The following RAD51B variants were observed in gnomAD, a reference collection of about 807,000 sequenced individuals.
RAD51B encodes the protein RAD51 paralog B.
In RAD51B, 38 loss-of-function variants were observed where a neutral mutation model predicts 42.2. That is an observed-to-expected ratio of 0.90 (90% CI 0.70 to 1.18). The LOEUF is 1.18. Ranked by LOEUF, RAD51B falls within the 50% of genes most tolerant of loss-of-function variation. The pLI is 0.00. For missense variants in RAD51B, 373 were observed against 400.7 expected, an observed-to-expected ratio of 0.93 and a Z score of 0.59; for synonymous variants, 154 against 145.2, an observed-to-expected ratio of 1.06 and a Z score of -0.43.
chr14:68,228,367 A>G (rs1287518414), intron 7 of RAD51B, among the ~76,000 whole-genome samples: 1 of 152,218 alleles, frequency 6.6e-6, no homozygotes, highest in Non-Finnish European at 1.5e-5. Flanking sequence ...TGAAACTTTC[A>G]TTAGCTTAAT....
At chr14:68,094,106 C>T (rs573678965) in intron 7 of RAD51B, among the ~76,000 whole-genome samples, 19 of 152,122 alleles carry the variant, frequency 1.2e-4, no homozygotes, top group African/African-American at 3.9e-4. Context: ...AATTGAGTAC[C>T]TCTTTATATT....
chr14:67,831,472 C>T (rs1172021674), intron 3 of RAD51B, among the ~76,000 whole-genome samples: 1 of 152,148 alleles, frequency 6.6e-6, no homozygotes, highest in Non-Finnish European at 1.5e-5. Flanking sequence ...AGTGTCATAT[C>T]ACAAAACTCT....
chr14:67,917,170 A>C (rs1367373785), intron 7 of RAD51B, among the ~76,000 whole-genome samples: 4 of 152,248 alleles, frequency 2.6e-5, no homozygotes, highest in Non-Finnish European at 5.9e-5. Context: ...TAACCTAGGC[A>C]ACAGATTTTC....
chr14:68,323,235 G>A (rs2082189056), intron 8 of RAD51B, among the ~76,000 whole-genome samples: 1 of 152,220 alleles, frequency 6.6e-6, no homozygotes, highest in African/African-American at 2.4e-5. Flanking sequence ...TTAGCTACAG[G>A]CTGGACAGTT....
intron 7 of RAD51B, among the ~76,000 whole-genome samples, chr14:67,898,824 A>G (rs1338930167): frequency 1.3e-5 from 2 of 152,240 alleles, no homozygotes; most frequent in East Asian, 3.8e-4. Flanking sequence ...AAGATTAAAA[A>G]TATTTCCCAA....
At chr14:68,251,084 A>G (rs1391033866) in intron 7 of RAD51B, among the ~76,000 whole-genome samples, 3 of 152,134 alleles carry the variant, frequency 2.0e-5, no homozygotes, top group Non-Finnish European at 4.4e-5. Flanking sequence ...GTCTTTGACT[A>G]GTTGTCAAGG....
chr14:67,930,960 G>A (rs8003181), intron 7 of RAD51B, among the ~76,000 whole-genome samples: 8,803 of 138,962 alleles, frequency 0.063, 613 homozygotes, highest in African/African-American at 0.19. Flanking sequence ...TCGCTCTGTT[G>A]CCCAGGTTGG....
intron 7 of RAD51B, among the ~76,000 whole-genome samples, chr14:68,072,225 A>ATATAG (rs2076763664): frequency 7.9e-6 from 1 of 126,450 alleles, no homozygotes; most frequent in Admixed American, 7.8e-5. Context: ...TATATATATA[A>ATATAG]AATAAACTCC....
chr14:68,082,046 C>G (rs2140491820), intron 7 of RAD51B, among the ~76,000 whole-genome samples: 1 of 152,054 alleles, frequency 6.6e-6, no homozygotes, highest in African/African-American at 2.4e-5. Context: ...CTGCAACCTC[C>G]ACCTTCTGGA....
chr14:68,219,786 C>A (rs868641259), intron 7 of RAD51B, among the ~76,000 whole-genome samples: 18 of 152,148 alleles, frequency 1.2e-4, no homozygotes, highest in Middle Eastern at 6.8e-3. Context: ...TTCTTTAACA[C>A]CCCCAAAAGA....
chr14:68,034,125 C>A (rs577029239), intron 7 of RAD51B, among the ~76,000 whole-genome samples: 1 of 151,928 alleles, frequency 6.6e-6, no homozygotes, highest in South Asian at 2.1e-4. Context: ...TTTTGGTGCA[C>A]CTTGGATAAA....
At chr14:68,493,446 C>T (rs1467320179) in intron 10 of RAD51B, among the ~76,000 whole-genome samples, 1 of 152,178 alleles carries the variant, frequency 6.6e-6, no homozygotes, top group Non-Finnish European at 1.5e-5. Flanking sequence ...CCAAGGACCT[C>T]ATACTCAGCT....
At chr14:68,039,397 C>T (rs1242533614) in intron 7 of RAD51B, among the ~76,000 whole-genome samples, 2 of 139,692 alleles carry the variant, frequency 1.4e-5, no homozygotes, top group Non-Finnish European at 3.0e-5. Context: ...CACTGCACTC[C>T]AGCCTGGTGA....
At chr14:68,501,835 T>G (rs1422362053) in intron 10 of RAD51B, among the ~76,000 whole-genome samples, 2 of 152,258 alleles carry the variant, frequency 1.3e-5, no homozygotes, top group Admixed American at 1.3e-4. Context: ...TGGGGTGGGC[T>G]GTGACATCGG....
In RAD51B at chr14:68,067,034, A is replaced by C. The variant is rs150576039; in HGVS notation, c.756+179830A>C. 8.2e-4 allele frequency among the ~76,000 whole-genome samples: 125 copies of C among 152,354 alleles called. 1 individual carries two copies. The highest frequency in any genetic ancestry group is 3.0e-3 in the African/African-American group (124 of 41,584). ...TTGATTTAGTATATTTTGTTTATTC[A>C]TATGGAAGGGCAAACTCATTCAGCA... is the stretch of plus-strand genomic sequence containing the variant. On this transcript the variant is annotated intron_variant, in intron 7 of 10. Coordinates refer to ENST00000471583, the MANE Select transcript of RAD51B (RefSeq NM_133510.4).
intron 7 of RAD51B, among the ~76,000 whole-genome samples, chr14:68,277,898 A>G (rs1034046031): frequency 1.3e-5 from 2 of 152,268 alleles, no homozygotes; most frequent in Admixed American, 1.3e-4. Flanking sequence ...GCGTGCCACC[A>G]TGCCTGGCTA....
At chr14:67,858,680 A>T (rs1362077001) in intron 4 of RAD51B, among the ~76,000 whole-genome samples, 1 of 152,152 alleles carries the variant, frequency 6.6e-6, no homozygotes, top group Non-Finnish European at 1.5e-5. Flanking sequence ...ACAAGTTCTC[A>T]CTCTGGTCCA....
At chr14:67,942,380 A>AT (rs2045239897) in intron 7 of RAD51B, among the ~76,000 whole-genome samples, 1 of 152,166 alleles carries the variant, frequency 6.6e-6, no homozygotes, top group South Asian at 2.1e-4. Context: ...TCCTAGTCCT[A>AT]TTATGGAAAT....
intron 9 of RAD51B, among the ~76,000 whole-genome samples, chr14:68,432,527 A>G (rs1473354122): frequency 1.3e-5 from 2 of 151,934 alleles, no homozygotes; most frequent in South Asian, 4.2e-4. Flanking sequence ...GTCTCTTTTG[A>G]TCTTTGTTGG....
Sources: gnomAD v4.1 joint callset for allele counts (sites outside exome capture counted in the v4.1 genomes callset) on GRCh38, gnomAD v4.1.1 for gene constraint, MANE v1.5 for transcripts, NCBI Gene and HGNC (gene_info 2026-07-23, HGNC 2026-07-21) for gene names.